The following COX10 variants were observed in gnomAD, a reference collection of about 807,000 sequenced individuals.
COX10 encodes cytochrome c oxidase assembly factor heme A:farnesyltransferase COX10.
A neutral mutation model predicts 37.3 loss-of-function variants in COX10; 27 were observed. The observed-to-expected ratio is 0.72, with a 90% confidence interval of 0.53 to 1.00. The LOEUF (loss-of-function observed/expected upper bound fraction) is 1.00, where lower values mean the gene tolerates loss of function less well. Ranked by LOEUF, COX10 falls within the 50% of genes least tolerant of loss-of-function variation. The probability of loss-of-function intolerance (pLI) is 0.00; values close to 1 mark genes in which losing one functional copy is unlikely to be tolerated. For synonymous variants in COX10, 222 were observed against 229.1 expected, an observed-to-expected ratio of 0.97 and a Z score of 0.28; for missense variants, 475 against 563.2, an observed-to-expected ratio of 0.84 and a Z score of 1.59.
intron 6 of COX10, among the ~76,000 whole-genome samples, chr17:14,206,296 T>C (rs1906697326): frequency 6.6e-6 from 1 of 152,148 alleles, no homozygotes; most frequent in Non-Finnish European, 1.5e-5. Context: ...GTTACAGCAC[T>C]GCTTCCACCT....
chr17:14,164,465 G>A (rs1023884673), intron 5 of COX10, among the ~76,000 whole-genome samples: 10 of 152,068 alleles, frequency 6.6e-5, no homozygotes, highest in African/African-American at 2.4e-4. Context: ...GTTTTTGTAT[G>A]TTTCTCAAAT....
At chr17:14,074,256 G>A in intron 1 of COX10, 67 bp from the exon 2 acceptor site, 2 of 1,589,894 alleles carry the variant, frequency 1.3e-6, no homozygotes, top group South Asian at 1.1e-5. Context: ...TTCTGGGGAG[G>A]TGTAGTCATC....
chr17:14,120,661 A>G (rs988691755), intron 4 of COX10, among the ~76,000 whole-genome samples: 2 of 152,188 alleles, frequency 1.3e-5, no homozygotes, highest in African/African-American at 4.8e-5. Flanking sequence ...TGTCATGCAA[A>G]TGGGATAAAA....
chr17:14,113,204 A>G (rs541863843), intron 4 of COX10, among the ~76,000 whole-genome samples: 74 of 152,276 alleles, frequency 4.9e-4, no homozygotes, highest in African/African-American at 1.7e-3. Flanking sequence ...CTCTGGCATA[A>G]CTTTAATTCT....
intron 4 of COX10, among the ~76,000 whole-genome samples, chr17:14,158,414 T>A (rs1011452776): frequency 4.0e-5 from 6 of 151,244 alleles, no homozygotes; most frequent in Non-Finnish European, 7.4e-5. Context: ...AACATATACT[T>A]CTTAGTAAAT....
intron 5 of COX10, among the ~76,000 whole-genome samples, chr17:14,186,706 G>A (rs1244005641): frequency 6.6e-6 from 1 of 151,848 alleles, no homozygotes; most frequent in South Asian, 2.1e-4. Flanking sequence ...AACTGAAGGT[G>A]CTTTTAAGCC....
At chr17:14,096,473 C>T (rs1367370310) in intron 3 of COX10, among the ~76,000 whole-genome samples, 1 of 143,402 alleles carries the variant, frequency 7.0e-6, no homozygotes, top group East Asian at 2.2e-4. Flanking sequence ...CTCCCATGCT[C>T]AAGTCATCCT....
chr17:14,074,208 TCA>T, intron 1 of COX10, 113 bp from the exon 2 acceptor site: 1 of 1,077,256 alleles, frequency 9.3e-7, no homozygotes, highest in Admixed American at 1.8e-5. Flanking sequence ...CTCTGACCCA[TCA>T]CACAGTGTAG....
intron 4 of COX10, among the ~76,000 whole-genome samples, chr17:14,115,634 G>A (rs79041983): frequency 0.01 from 1,537 of 152,164 alleles, 13 homozygotes; most frequent in Non-Finnish European, 0.016. Flanking sequence ...CAACCTAAGC[G>A]TCCATCAATG....
intron 3 of COX10, chr17:14,077,312 T>G (rs574727645): frequency 1.1e-5 from 5 of 454,696 alleles, no homozygotes; most frequent in Non-Finnish European, 2.0e-5. Flanking sequence ...GTTGAATGTT[T>G]ATCCTGCTTA....
At chr17:14,190,194 A>G (rs992449235) in intron 5 of COX10, among the ~76,000 whole-genome samples, 5 of 152,304 alleles carry the variant, frequency 3.3e-5, no homozygotes, top group Admixed American at 6.5e-5. Flanking sequence ...AGGAACGAAA[A>G]TGGAAATCAG....
chr17:14,158,232 C>T (rs1429259915), intron 4 of COX10, among the ~76,000 whole-genome samples: 3 of 149,738 alleles, frequency 2.0e-5, no homozygotes, highest in Admixed American at 1.3e-4. Context: ...ACTAAGACAT[C>T]GTAAAAAAAA....
At chr17:14,098,784 T>G (rs1296257053) in intron 3 of COX10, among the ~76,000 whole-genome samples, 1 of 152,182 alleles carries the variant, frequency 6.6e-6, no homozygotes, top group Non-Finnish European at 1.5e-5. Flanking sequence ...CAGAATTAGA[T>G]AGCTAAAACT....
chr17:14,183,769 C>T (rs1467188210), intron 5 of COX10, among the ~76,000 whole-genome samples: 1 of 152,208 alleles, frequency 6.6e-6, no homozygotes, highest in South Asian at 2.1e-4. Context: ...ATAGGTCCTT[C>T]CTATTTAAAT....
At chr17:14,112,227 C>T (rs1409822801) in intron 4 of COX10, among the ~76,000 whole-genome samples, 1 of 152,108 alleles carries the variant, frequency 6.6e-6, no homozygotes, top group African/African-American at 2.4e-5. Context: ...AACATTCAGG[C>T]TTTAAGACTT....
chr17:14,195,213 A>T (rs1167073524), intron 6 of COX10, among the ~76,000 whole-genome samples: 1 of 152,238 alleles, frequency 6.6e-6, no homozygotes, highest in Admixed American at 6.5e-5. Context: ...CAAATACTTA[A>T]TTGAATGAAC....
intron 4 of COX10, among the ~76,000 whole-genome samples, chr17:14,152,354 G>C (rs1679645719): frequency 6.6e-6 from 1 of 152,098 alleles, no homozygotes; most frequent in Admixed American, 6.5e-5. Context: ...AGTGAAACAG[G>C]TTTCTCCTTA....
At chr17:14,144,149 A>G (rs1478556985) in intron 4 of COX10, among the ~76,000 whole-genome samples, 1 of 152,144 alleles carries the variant, frequency 6.6e-6, no homozygotes, top group Non-Finnish European at 1.5e-5. Flanking sequence ...CCAGATGTAT[A>G]TTATAACTGT....
At chr17:14,197,515 G>A (rs1906402159) in intron 6 of COX10, among the ~76,000 whole-genome samples, 2 of 152,236 alleles carry the variant, frequency 1.3e-5, no homozygotes, top group Non-Finnish European at 2.9e-5. Context: ...CCGGTGAGAG[G>A]TGTGGGTCCC....
Sources: gnomAD v4.1 joint callset for allele counts (sites outside exome capture counted in the v4.1 genomes callset) on GRCh38, gnomAD v4.1.1 for gene constraint, MANE v1.5 for transcripts, NCBI Gene and HGNC (gene_info 2026-07-23, HGNC 2026-07-21) for gene names.